The following CENPE variants were observed in gnomAD, a reference collection of about 807,000 sequenced individuals.
CENPE encodes centromere protein E.
In CENPE, 145 loss-of-function variants were observed where a neutral mutation model predicts 336.1. The observed-to-expected ratio is 0.43, with a 90% CI of 0.38 to 0.50. The LOEUF (loss-of-function observed/expected upper bound fraction) is 0.50, where lower values mean the gene tolerates loss of function less well. CENPE is among the 20% of genes least tolerant of loss of function. The pLI is 0.00. For missense variants in CENPE, 2,719 were observed against 3,023.3 expected (o/e 0.90, Z 2.36); for synonymous variants, 1,013 against 984.8 (o/e 1.03, Z -0.54).
chr4:103,116,130 A>C (rs1365778168), intron 45 of CENPE, among the ~76,000 whole-genome samples: 1 of 152,044 alleles, frequency 6.6e-6, no homozygotes, highest in Non-Finnish European at 1.5e-5. Flanking sequence ...TAAAAAGAGG[A>C]TTTGCTCTTG....
intron 42 of CENPE, among the ~76,000 whole-genome samples, chr4:103,131,195 G>A (rs1751561057): frequency 6.6e-6 from 1 of 152,220 alleles, no homozygotes; most frequent in African/African-American, 2.4e-5. Flanking sequence ...AGACACATCT[G>A]ATAAAAGACC....
intron 34 of CENPE, 92 bp downstream of exon 34, chr4:103,143,156 C>T (rs1455476158): frequency 1.1e-5 from 9 of 819,278 alleles, no homozygotes; most frequent in East Asian, 2.8e-5. Flanking sequence ...TCTTCACTTG[C>T]CTTCAATTTT....
intron 8 of CENPE, among the ~76,000 whole-genome samples, chr4:103,192,442 T>C (rs1757437027): frequency 6.6e-6 from 1 of 152,114 alleles, no homozygotes; most frequent in Admixed American, 6.5e-5. Flanking sequence ...ACAAAAGCAA[T>C]GGTTAGTATA....
intron 43 of CENPE, among the ~76,000 whole-genome samples, chr4:103,122,476 C>T (rs940869560): frequency 5.3e-5 from 8 of 152,164 alleles, no homozygotes; most frequent in East Asian, 3.9e-4. Context: ...ATATTAAATA[C>T]GCTGATGATA....
At position 103,108,335 on chromosome 4, in the gene CENPE, T is replaced by A. The variant is rs538541273; in HGVS notation, c.8011+468A>T. On this transcript the variant is annotated intron_variant, in intron 48 of 48. Coordinates refer to ENST00000265148, the MANE Select transcript of CENPE (RefSeq NM_001813.3). ...CAGGGATCATGTCTGGTTTTGCTTA[T>A]CAATGTGCCACCAGGATCTAATCCT... Among the ~76,000 whole-genome samples, 3 of 152,234 alleles carry A rather than the reference T, an allele frequency of 2.0e-5. No homozygotes were observed. In the South Asian group the frequency reaches 6.2e-4, roughly 32 times the overall value.
At chr4:103,130,382 A>G (rs1390736096) in intron 42 of CENPE, among the ~76,000 whole-genome samples, 1 of 152,226 alleles carries the variant, frequency 6.6e-6, no homozygotes, top group Non-Finnish European at 1.5e-5. Context: ...AGCAATTTAC[A>G]AGTGTAATTT....
intron 48 of CENPE, among the ~76,000 whole-genome samples, chr4:103,107,328 T>G (rs1048962855): frequency 1.3e-5 from 2 of 152,208 alleles, no homozygotes; most frequent in Admixed American, 6.5e-5. Context: ...CTAAGAACAC[T>G]TTTAGACTGT....
intron 32 of CENPE, 40 bp downstream of exon 32, chr4:103,145,010 T>C (rs746641184): frequency 8.3e-6 from 12 of 1,451,796 alleles, no homozygotes; most frequent in African/African-American, 4.3e-5. Flanking sequence ...TTAACACTAT[T>C]TCTGTATCCA....
intron 37 of CENPE, 74 bp downstream of exon 37, chr4:103,140,182 T>C (rs1266636196): frequency 8.2e-6 from 12 of 1,467,210 alleles, no homozygotes; most frequent in Non-Finnish European, 1.0e-5. Context: ...TACATATCTG[T>C]ATCTATATCT....
intron 48 of CENPE, among the ~76,000 whole-genome samples, chr4:103,106,630 G>A (rs1301792936): frequency 6.6e-6 from 1 of 152,080 alleles, no homozygotes; most frequent in Non-Finnish European, 1.5e-5. Flanking sequence ...CTTTTGTCCT[G>A]TTTTTCAAAA....
At chr4:103,173,597 A>G (rs1755602084) in intron 16 of CENPE, among the ~76,000 whole-genome samples, 1 of 151,960 alleles carries the variant, frequency 6.6e-6, no homozygotes, top group Non-Finnish European at 1.5e-5. Flanking sequence ...TTTGCAAAAT[A>G]TTTGCAATAT....
At chr4:103,145,459 A>G (rs1578603065) in intron 31 of CENPE, 64 bp downstream of exon 31, 6 of 1,463,024 alleles carry the variant, frequency 4.1e-6, no homozygotes, top group African/African-American at 2.8e-5. Flanking sequence ...AGTAGTCTTC[A>G]TAATTCAGTT....
intron 10 of CENPE, 138 bp downstream of exon 10, chr4:103,183,063 G>A (rs887294676): frequency 1.2e-6 from 1 of 869,174 alleles, no homozygotes; most frequent in Non-Finnish European, 1.7e-6. Flanking sequence ...AGTAAATTCA[G>A]TAGATTATAA....
chr4:103,158,722 T>C lies in CENPE; in HGVS notation c.2766A>G (p.Glu922=), dbSNP rs1177396146. Residue 922 remains glutamate, a synonymous_variant, in exon 23 of 49, where the codon GAA becomes GAG. Transcript: ENST00000265148. ...LITEKLQQTL[E]EVKTLTQEKD... Reference sequence around the variant, plus strand: ...TTTCTTGAGTTAAAGTTTTTACTTCTTCTAAAGTTTGCTGCAGTTTCTCAG... The same window carrying C: ...TTTCTTGAGTTAAAGTTTTTACTTCCTCTAAAGTTTGCTGCAGTTTCTCAG... 11 of 1,613,132 alleles carry C rather than the reference T, an allele frequency of 6.8e-6. No individual in the cohort carries two copies. The highest frequency in any genetic ancestry group is 9.3e-6 in the Non-Finnish European group (11 of 1,179,474).
intron 39 of CENPE, among the ~76,000 whole-genome samples, chr4:103,136,987 A>C (rs1294404939): frequency 6.6e-6 from 1 of 152,172 alleles, no homozygotes; most frequent in Non-Finnish European, 1.5e-5. Flanking sequence ...GGGTCAAGTA[A>C]AATATATGAT....
intron 46 of CENPE, among the ~76,000 whole-genome samples, chr4:103,111,617 T>G (rs1361101771): frequency 5.3e-5 from 8 of 152,198 alleles, no homozygotes; most frequent in Non-Finnish European, 2.9e-5. Context: ...AGAGGGATAG[T>G]GTGTGTGTTG....
chr4:103,185,295 A>G, intron 9 of CENPE, among the ~76,000 whole-genome samples: 1 of 145,908 alleles, frequency 6.9e-6, no homozygotes. Flanking sequence ...ACAGAGTGAG[A>G]GTCTGCCTTA....
At position 103,159,263 on chromosome 4, in the gene CENPE, T is replaced by C; in HGVS notation, c.2348A>G (p.Glu783Gly). ...ITSEKDKLFS[E>G]VVHKESRVQG... ...AACTCTACTCTCCTTATGAACTACT[T>C]CAGAAAACAATTTATCTTTTTCTGA... is the stretch of plus-strand genomic sequence containing the variant. Residue 783 changes from glutamate to glycine, a missense_variant, in exon 22 of 49, where the codon GAA becomes GGA. By Grantham distance (98) the Glu-to-Gly change is moderately conservative. This residue lies in a region of CENPE where 2,437 missense variants were observed against 2,513.3 expected (regional missense o/e 0.97). Coordinates refer to ENST00000265148, the MANE Select transcript of CENPE (RefSeq NM_001813.3). 1 of 1,588,510 alleles carries C rather than the reference T, an allele frequency of 6.3e-7. No individual in the cohort carries two copies. The highest frequency in any genetic ancestry group is 1.4e-5 in the African/African-American group (1 of 73,064).
intron 48 of CENPE, among the ~76,000 whole-genome samples, chr4:103,107,478 GT>G (rs1748994018): frequency 1.3e-5 from 2 of 152,120 alleles, no homozygotes. Context: ...GTACAATTTT[GT>G]TGCTTTAGAT....
Sources: allele counts gnomAD v4.1 joint callset (sites outside exome capture counted in the v4.1 genomes callset), GRCh38; gene constraint gnomAD v4.1.1; regional missense constraint gnomAD v4.1.1; transcripts MANE v1.5; gene names NCBI Gene and HGNC (gene_info 2026-07-23, HGNC 2026-07-21).